AGAP1: variants seen among roughly 807,000 people sequenced by gnomAD.
AGAP1 encodes ArfGAP with GTPase domain, ankyrin repeat and PH domain 1.
In AGAP1, 29 loss-of-function variants were observed where a neutral mutation model predicts 105.3. The ratio of observed to expected loss-of-function variants is 0.28; its 90% confidence interval spans 0.21 to 0.38. The LOEUF (loss-of-function observed/expected upper bound fraction) is 0.38, where lower values mean the gene tolerates loss of function less well. Among genes scored for constraint, AGAP1 ranks in the 10% least tolerant of loss-of-function variants. The pLI is 1.00. For synonymous variants in AGAP1, 509 were observed against 485.9 expected (o/e 1.05, Z -0.63); for missense variants, 998 against 1,165.1 (o/e 0.86, Z 2.09).
At chr2:235,678,730 G>GCCTC (rs1392015754) in intron 1 of AGAP1, among the ~76,000 whole-genome samples, 2 of 152,056 alleles carry the variant, frequency 1.3e-5, no homozygotes, top group African/African-American at 4.8e-5. Flanking sequence ...CTGCCTGCCT[G>GCCTC]CCTCCCTCCC....
intron 1 of AGAP1, among the ~76,000 whole-genome samples, chr2:235,638,929 A>G (rs2873305): frequency 0.72 from 109,316 of 152,098 alleles, 39,402 homozygotes; most frequent in East Asian, 0.8. Flanking sequence ...GATGCCAGTA[A>G]CATCTCTTCC....
rs1952527647 is a variant in AGAP1, at chr2:235,740,699, T to A, written c.311-264T>A. 6.6e-6 allele frequency among the ~76,000 whole-genome samples: 1 copy of A among 152,258 alleles called. No homozygotes were observed. Among genetic ancestry groups the A allele is most frequent in the Non-Finnish European group, 1.5e-5 (1 of 68,054 alleles). On this transcript the variant is annotated intron_variant, in intron 3 of 17. Coordinates refer to ENST00000304032, the MANE Select transcript of AGAP1 (RefSeq NM_001037131.3). This position sits in a 1 kb window ranked among gnomAD's most constrained non-coding sequence, Gnocchi z 5.7. ...TTACATAGAAAGCCCACATGAGAAG[T>A]CCACACTAATTGGCCACGAGTGTCT...
Position 235,552,061 on chromosome 2 carries a change from G to A in AGAP1, c.163+57212G>A, listed in dbSNP as rs1943830478. Among the ~76,000 whole-genome samples, 1 of 152,216 alleles carries A rather than the reference G, an allele frequency of 6.6e-6. No individual in the cohort carries two copies. Among genetic ancestry groups the A allele is most frequent in the Non-Finnish European group, 1.5e-5 (1 of 68,034 alleles). Reference sequence around the variant, plus strand: ...CCACCTGCTGGAAGGAGCCTGCAGGGAACTGTTTGTTGTGTGCTTGGCTGT... The same window carrying A: ...CCACCTGCTGGAAGGAGCCTGCAGGAAACTGTTTGTTGTGTGCTTGGCTGT... On this transcript the variant is annotated intron_variant, in intron 1 of 17. Transcript: ENST00000304032. This position sits in a 1 kb window ranked among gnomAD's most constrained non-coding sequence, Gnocchi z 5.9.
rs570494047 is a variant in AGAP1, at chr2:235,690,022, C to T, written c.164-19157C>T. Reference sequence around the variant, plus strand: ...CATGCGTTTGATGAAAGTGATATCACAGCAAATGCAAAGGTGACTGGGAGT... The same window carrying T: ...CATGCGTTTGATGAAAGTGATATCATAGCAAATGCAAAGGTGACTGGGAGT... On this transcript the variant is annotated intron_variant, in intron 1 of 17. Transcript: ENST00000304032. The surrounding 1 kb of genome is among the most constrained non-coding windows in gnomAD (Gnocchi z 4.1). 2.4e-4 allele frequency among the ~76,000 whole-genome samples: 37 copies of T among 152,226 alleles called. No individual in the cohort carries two copies. In the South Asian group the frequency reaches 7.7e-3, roughly 32 times the overall value.
At position 235,577,373 on chromosome 2, in the gene AGAP1, G is replaced by A. The variant is rs1190080147; in HGVS notation, c.163+82524G>A. ...TTAGTGCTCAGTAGCACCTGTGGCT[G>A]GAGCTACTGTATTGGGCACCACGGC... On this transcript the variant is annotated intron_variant, in intron 1 of 17. Coordinates refer to ENST00000304032, the MANE Select transcript of AGAP1 (RefSeq NM_001037131.3). This position sits in a 1 kb window ranked among gnomAD's most constrained non-coding sequence, Gnocchi z 4.5. 2.0e-5 allele frequency among the ~76,000 whole-genome samples: 3 copies of A among 152,130 alleles called. No individual in the cohort carries two copies. Among genetic ancestry groups the A allele is most frequent in the South Asian group, 2.1e-4 (1 of 4,820 alleles).
At position 235,883,262 on chromosome 2, in the gene AGAP1, T is replaced by G; in HGVS notation, c.1051-83T>G. 1 of 1,166,604 alleles carries G rather than the reference T, an allele frequency of 8.6e-7. No homozygotes were observed. The highest frequency in any genetic ancestry group is 1.3e-6 in the Non-Finnish European group (1 of 788,910). The allele number at this position is 1,166,604 out of a possible 1,614,324, so 72.3% of individuals were successfully genotyped here. A position where few individuals can be genotyped will look rare whatever the true frequency, so the allele number is the denominator to read the frequency against. ...TGAAGTTCTGCACACACACAGAACTTGAATGTATATGTTGCCTGTGTACCT... is the reference window on the plus strand; with the variant it reads ...TGAAGTTCTGCACACACACAGAACTGGAATGTATATGTTGCCTGTGTACCT... On this transcript the variant is annotated intron_variant, in intron 9 of 17. Coordinates refer to ENST00000304032, the MANE Select transcript of AGAP1 (RefSeq NM_001037131.3). This position sits in a 1 kb window ranked among gnomAD's most constrained non-coding sequence, Gnocchi z 4.5.
intron 1 of AGAP1, among the ~76,000 whole-genome samples, chr2:235,545,645 A>T (rs930632035): frequency 6.6e-6 from 1 of 152,162 alleles, no homozygotes; most frequent in Non-Finnish European, 1.5e-5. Flanking sequence ...CTCTCCCTGC[A>T]GATTCTGCCT....
rs111444231 is a variant in AGAP1 at position 235,763,068 on chromosome 2, G to A, written c.673+12580G>A. On this transcript the variant is annotated intron_variant, in intron 6 of 17. Transcript: ENST00000304032. ...TGTGTGTGTATGTGTGCGCGCGCGC[G>A]CACACGTGCACCTGCCGTGTTTGAA... Among the ~76,000 whole-genome samples, 448 of 92,046 alleles carry A rather than the reference G, an allele frequency of 4.9e-3. 2 individuals carry two copies. The highest frequency in any genetic ancestry group is 0.012 in the African/African-American group (359 of 31,188). The allele number at this position is 92,046 out of a possible 152,430, so 60.4% of individuals were successfully genotyped here.
intron 1 of AGAP1, among the ~76,000 whole-genome samples, chr2:235,688,424 C>G (rs1190936070): frequency 2.0e-5 from 3 of 152,116 alleles, no homozygotes; most frequent in Non-Finnish European, 4.4e-5. Context: ...ATGACGGTCC[C>G]CTCCACTCAC....
At position 235,787,646 on chromosome 2, in the gene AGAP1, G is replaced by T. The variant is rs1248822076; in HGVS notation, c.674-10113G>T. 1.3e-5 allele frequency among the ~76,000 whole-genome samples: 2 copies of T among 152,174 alleles called. No individual in the cohort carries two copies. The highest frequency in any genetic ancestry group is 2.9e-5 in the Non-Finnish European group (2 of 68,034). ...ATATACTAGTTGCTCAATAAAAACA[G>T]TCAGTAAATGGGATGAGTGAGGGAT... On this transcript the variant is annotated intron_variant, in intron 6 of 17. Transcript: ENST00000304032. The surrounding 1 kb of genome is among the most constrained non-coding windows in gnomAD (Gnocchi z 4.4).
intron 12 of AGAP1, among the ~76,000 whole-genome samples, chr2:235,932,422 T>G (rs887484190): frequency 6.6e-6 from 1 of 152,268 alleles, no homozygotes; most frequent in African/African-American, 2.4e-5. Flanking sequence ...ACTCGTTTCA[T>G]TATCAAATAC....
In AGAP1 at chr2:235,596,660, T is replaced by C. The variant is rs1238158021; in HGVS notation, c.163+101811T>C. ...GTAAGAAGATGTTGTTAAATTTATT[T>C]TTAGAATAATAGACTTTTAGATAGA... On this transcript the variant is annotated intron_variant, in intron 1 of 17. Coordinates refer to ENST00000304032, the MANE Select transcript of AGAP1 (RefSeq NM_001037131.3). The surrounding 1 kb of genome is among the most constrained non-coding windows in gnomAD (Gnocchi z 5.9). Among the ~76,000 whole-genome samples, 1 of 152,208 alleles carries C rather than the reference T, an allele frequency of 6.6e-6. No homozygotes were observed. The highest frequency in any genetic ancestry group is 2.4e-5 in the African/African-American group (1 of 41,454).
rs1481513996 is a variant in AGAP1 at position 235,744,489 on chromosome 2, TC to T, written c.397-206del. 6.6e-6 allele frequency among the ~76,000 whole-genome samples: 1 copy of T among 152,032 alleles called. No homozygotes were observed. The highest frequency in any genetic ancestry group is 1.5e-5 in the Non-Finnish European group (1 of 67,980). ...GGTGGGAACAGGATGAAGGGCCCAT[TC>T]CCAAGGGGAACACCAGGCATGGTGT... On this transcript the variant is annotated intron_variant, in intron 4 of 17. Coordinates refer to ENST00000304032, the MANE Select transcript of AGAP1 (RefSeq NM_001037131.3). This position sits in a 1 kb window ranked among gnomAD's most constrained non-coding sequence, Gnocchi z 5.2.
Position 236,006,627 on chromosome 2 carries a change from G to A in AGAP1, c.1646-29934G>A, listed in dbSNP as rs76909099. 6.0e-3 allele frequency among the ~76,000 whole-genome samples: 911 copies of A among 152,238 alleles called. 6 individuals are homozygous for A. Among genetic ancestry groups the A allele is most frequent in the African/African-American group, 0.021 (869 of 41,534 alleles). ...ACCTCCATGATGCAACTGTTATAAG[G>A]GACAGGTTGGAAAACTGTGGAAACA... On this transcript the variant is annotated intron_variant, in intron 13 of 17. Coordinates refer to ENST00000304032, the MANE Select transcript of AGAP1 (RefSeq NM_001037131.3).
rs1371428937 is a variant in AGAP1 at position 235,961,983 on chromosome 2, G to A, written c.1484-6479G>A. 1.3e-5 allele frequency among the ~76,000 whole-genome samples: 2 copies of A among 152,214 alleles called. No individual in the cohort carries two copies. The highest frequency in any genetic ancestry group is 4.8e-5 in the African/African-American group (2 of 41,456). ...GGGCCCCGCGCCCATGGAGACTGCT[G>A]GGGACAGGCTGGGGCAGGGCGGGGT... On this transcript the variant is annotated intron_variant, in intron 12 of 17. Transcript: ENST00000304032. This position sits in a 1 kb window ranked among gnomAD's most constrained non-coding sequence, Gnocchi z 5.9.
chr2:235,765,288 G>T (rs2149808893), intron 6 of AGAP1, among the ~76,000 whole-genome samples: 1 of 149,852 alleles, frequency 6.7e-6, no homozygotes, highest in South Asian at 2.1e-4. Flanking sequence ...GGGTATCTGG[G>T]AGCGTCTGTG....
At chr2:235,948,174 T>G (rs982442975) in intron 12 of AGAP1, among the ~76,000 whole-genome samples, 6 of 152,126 alleles carry the variant, frequency 3.9e-5, no homozygotes, top group Non-Finnish European at 7.4e-5. Flanking sequence ...CTGGGGTTTT[T>G]TTTGTTTGTT....
At chr2:235,944,074 T>G (rs905342667) in intron 12 of AGAP1, among the ~76,000 whole-genome samples, 1 of 152,244 alleles carries the variant, frequency 6.6e-6, no homozygotes, top group Admixed American at 6.5e-5. Flanking sequence ...TAGTTATAAA[T>G]GCTATTTTAA....
At chr2:235,917,494 C>A (rs924591619) in intron 11 of AGAP1, among the ~76,000 whole-genome samples, 1 of 152,120 alleles carries the variant, frequency 6.6e-6, no homozygotes, top group Non-Finnish European at 1.5e-5. Flanking sequence ...CTCTCCCTCT[C>A]TTTTTTTCCA....
Sources: allele counts gnomAD v4.1 joint callset (sites outside exome capture counted in the v4.1 genomes callset), GRCh38; gene constraint gnomAD v4.1.1; non-coding constraint Gnocchi (gnomAD v3.1); transcripts MANE v1.5; gene names NCBI Gene and HGNC (gene_info 2026-07-23, HGNC 2026-07-21).